Variants in ITGA9 observed in about 807,000 individuals in gnomAD.
ITGA9 encodes the protein integrin subunit alpha 9.
Under a neutral mutation model 127.8 loss-of-function variants are expected in ITGA9, and 56 were observed. The observed-to-expected ratio is 0.44, with a 90% CI of 0.35 to 0.55. The LOEUF is 0.55. ITGA9 is among the 20% of genes least tolerant of loss of function. The pLI is 0.00. For missense variants in ITGA9, 1,196 were observed against 1,347.1 expected, an observed-to-expected ratio of 0.89 and a Z score of 1.76; for synonymous variants, 508 against 514.5, an observed-to-expected ratio of 0.99 and a Z score of 0.17.
At chr3:37,801,242 A>G (rs1271838034) in intron 26 of ITGA9, among the ~76,000 whole-genome samples, 3 of 152,110 alleles carry the variant, frequency 2.0e-5, no homozygotes, top group Non-Finnish European at 4.4e-5. Flanking sequence ...CATTCATAGC[A>G]AGGACCCAAA....
At chr3:37,721,596 AG>A (rs1433831989) in intron 18 of ITGA9, among the ~76,000 whole-genome samples, 1 of 152,226 alleles carries the variant, frequency 6.6e-6, no homozygotes, top group Non-Finnish European at 1.5e-5. Flanking sequence ...CAAAATTTCA[AG>A]GAAGCAACTG....
In ITGA9 at chr3:37,818,938, G is replaced by A. The variant is rs759910971; in HGVS notation, c.3057G>A (p.Lys1019=). The part of the protein sequence containing the change: ...RRYKEIIEAE[K]NRKENEDSWD... The stretch of plus-strand genomic sequence containing the variant: ...ACAAAGAAATTATCGAAGCTGAGAA[G>A]AACCGGAAAGAGAATGAAGACAGTT... Residue 1019 remains lysine, a synonymous_variant, in exon 28 of 28, where the codon AAG becomes AAA. Transcript: ENST00000264741. 2 of 1,614,198 alleles carry A rather than the reference G, an allele frequency of 1.2e-6. No homozygotes were observed.
chr3:37,779,135 T>TGC (rs1696944761), intron 24 of ITGA9, among the ~76,000 whole-genome samples: 1 of 152,176 alleles, frequency 6.6e-6, no homozygotes, highest in African/African-American at 2.4e-5. Flanking sequence ...GATGGAGTCT[T>TGC]GCTCTGTCGC....
At chr3:37,625,725 A>G (rs1057211064) in intron 15 of ITGA9, among the ~76,000 whole-genome samples, 10 of 152,182 alleles carry the variant, frequency 6.6e-5, no homozygotes, top group African/African-American at 2.2e-4. Context: ...GGGAAGCTGC[A>G]TATCCAAAAA....
chr3:37,665,458 C>CT (rs201575002), intron 17 of ITGA9, among the ~76,000 whole-genome samples: 1,595 of 151,190 alleles, frequency 0.011, 29 homozygotes, highest in African/African-American at 0.033. Context: ...TGTGGGCCTT[C>CT]TTTTTTTTTC....
chr3:37,593,414 G>A (rs899243512), intron 15 of ITGA9, among the ~76,000 whole-genome samples: 1 of 152,152 alleles, frequency 6.6e-6, no homozygotes, highest in South Asian at 2.1e-4. Context: ...CCATAAATTG[G>A]GTGGGTTACA....
At chr3:37,592,115 C>A (rs1181628539) in intron 15 of ITGA9, among the ~76,000 whole-genome samples, 1 of 152,142 alleles carries the variant, frequency 6.6e-6, no homozygotes, top group Non-Finnish European at 1.5e-5. Context: ...TCTCTTTCAT[C>A]CCTCTATGGA....
At chr3:37,603,595 T>C (rs1699941840) in intron 15 of ITGA9, among the ~76,000 whole-genome samples, 1 of 152,216 alleles carries the variant, frequency 6.6e-6, no homozygotes, top group African/African-American at 2.4e-5. Flanking sequence ...TGAGGCATGC[T>C]ATTAAGCTTT....
At position 37,496,698 on chromosome 3, in the gene ITGA9, AT is replaced by A. The variant is rs201385437; in HGVS notation, c.612+2131del. 4.0e-3 allele frequency among the ~76,000 whole-genome samples: 613 copies of A among 152,200 alleles called. 5 individuals carry two copies. Among genetic ancestry groups the A allele is most frequent in the African/African-American group, 0.014 (577 of 41,514 alleles). ...TCATCCTACTTAGAATGAAATGCAAATGCCTTCCCTTGGCCTCCCAGCCTTC... is the reference window on the plus strand; with the variant it reads ...TCATCCTACTTAGAATGAAATGCAAAGCCTTCCCTTGGCCTCCCAGCCTTC... On this transcript the variant is annotated intron_variant, in intron 5 of 27. Coordinates refer to ENST00000264741, the MANE Select transcript of ITGA9 (RefSeq NM_002207.3).
intron 15 of ITGA9, among the ~76,000 whole-genome samples, chr3:37,546,068 G>A (rs1251213008): frequency 1.3e-5 from 2 of 151,946 alleles, no homozygotes; most frequent in Non-Finnish European, 2.9e-5. Context: ...CTTTAAATCA[G>A]CCAACTTTTG....
chr3:37,591,698 GCTTGAGC>G (rs1699820684), intron 15 of ITGA9, among the ~76,000 whole-genome samples: 1 of 152,224 alleles, frequency 6.6e-6, no homozygotes, highest in Admixed American at 6.5e-5. Context: ...GAGCCTCACT[GCTTGAGC>G]CTTGGCTGGA....
chr3:37,696,722 ATTTCTG>A (rs1700888678), intron 18 of ITGA9, among the ~76,000 whole-genome samples: 1 of 152,194 alleles, frequency 6.6e-6, no homozygotes, highest in Non-Finnish European at 1.5e-5. Context: ...TAAACATGAT[ATTTCTG>A]TTAATGTGGT....
At chr3:37,514,546 AC>A (rs779296447) in intron 9 of ITGA9, among the ~76,000 whole-genome samples, 3 of 151,956 alleles carry the variant, frequency 2.0e-5, no homozygotes, top group Non-Finnish European at 2.9e-5. Context: ...GGGGCAGGGG[AC>A]TGCATGGGAA....
intron 15 of ITGA9, among the ~76,000 whole-genome samples, chr3:37,551,469 A>T (rs1699377642): frequency 6.9e-6 from 1 of 144,130 alleles, no homozygotes; most frequent in Non-Finnish European, 1.5e-5. Flanking sequence ...ACTAGCTGTG[A>T]ACAATCTGGT....
At chr3:37,699,014 T>C (rs1368059883) in intron 18 of ITGA9, among the ~76,000 whole-genome samples, 6 of 152,156 alleles carry the variant, frequency 3.9e-5, no homozygotes, top group Non-Finnish European at 8.8e-5. Flanking sequence ...ATACTTTTCT[T>C]CTCCTGTGCT....
At chr3:37,710,920 G>A (rs538631972) in intron 18 of ITGA9, among the ~76,000 whole-genome samples, 32 of 152,168 alleles carry the variant, frequency 2.1e-4, no homozygotes, top group Non-Finnish European at 4.7e-4. Flanking sequence ...CACTGTATTA[G>A]TTATCTGTTG....
At position 37,744,043 on chromosome 3, in the gene ITGA9, T is replaced by C. The variant is rs1696470511; in HGVS notation, c.2433+9T>C. The C allele has an allele frequency of 3.2e-6, 5 of 1,566,340 alleles. No homozygotes were observed. The highest frequency in any genetic ancestry group is 4.4e-6 in the Non-Finnish European group (5 of 1,136,336). Reference sequence around the variant, plus strand: ...TCAATATCACCCTTCAGGTACCCACTCCTGGAGACCTCCTCTGTCCGTGGG... The same window carrying C: ...TCAATATCACCCTTCAGGTACCCACCCCTGGAGACCTCCTCTGTCCGTGGG... On this transcript the variant is annotated intron_variant, in intron 22 of 27. Coordinates refer to ENST00000264741, the MANE Select transcript of ITGA9 (RefSeq NM_002207.3).
At chr3:37,498,147 T>G (rs565432774) in intron 5 of ITGA9, among the ~76,000 whole-genome samples, 168 of 152,282 alleles carry the variant, frequency 1.1e-3, no homozygotes, top group African/African-American at 3.8e-3. Context: ...CATTGGGAGA[T>G]ATAAACTGCC....
At chr3:37,626,855 C>T (rs1700180703) in intron 15 of ITGA9, among the ~76,000 whole-genome samples, 1 of 152,232 alleles carries the variant, frequency 6.6e-6, no homozygotes. Context: ...ATAACAACAT[C>T]ATAACTGACT....
Sources: allele counts gnomAD v4.1 joint callset (sites outside exome capture counted in the v4.1 genomes callset), GRCh38; gene constraint gnomAD v4.1.1; transcripts MANE v1.5; gene names NCBI Gene and HGNC (gene_info 2026-07-23, HGNC 2026-07-21).